Variants in MEOX2 observed in about 807,000 individuals in gnomAD.
MEOX2 encodes mesenchyme homeobox 2, also known as homeobox protein MOX-2.
In MEOX2, 11 loss-of-function variants were observed where a neutral mutation model predicts 27.0. The ratio of observed to expected loss-of-function variants is 0.41; its 90% CI spans 0.26 to 0.68. The LOEUF is 0.68. Ranked by LOEUF, MEOX2 falls within the 30% of genes least tolerant of loss-of-function variation. MEOX2 has a pLI of 0.33. For missense variants in MEOX2, 436 were observed against 385.4 expected (o/e 1.13, Z -1.10); for synonymous variants, 189 against 155.4 (o/e 1.22, Z -1.61).
chr7:15,671,877 T>G (rs1477412313), intron 1 of MEOX2, among the ~76,000 whole-genome samples: 1 of 152,080 alleles, frequency 6.6e-6, no homozygotes, highest in East Asian at 1.9e-4. Flanking sequence ...GCCAATATGG[T>G]CTCTAATAAT....
At chr7:15,629,846 C>G (rs925793331) in intron 1 of MEOX2, among the ~76,000 whole-genome samples, 3 of 152,044 alleles carry the variant, frequency 2.0e-5, no homozygotes, top group Non-Finnish European at 4.4e-5. Context: ...CCCAGCTAGA[C>G]TTTCTTTGGT....
At chr7:15,631,217 T>A (rs1477335984) in intron 1 of MEOX2, among the ~76,000 whole-genome samples, 2 of 151,242 alleles carry the variant, frequency 1.3e-5, no homozygotes, top group Non-Finnish European at 3.0e-5. Context: ...ATTGTGATAG[T>A]TTTCTTCAAA....
At chr7:15,669,961 T>C (rs540428939) in intron 1 of MEOX2, among the ~76,000 whole-genome samples, 2 of 152,314 alleles carry the variant, frequency 1.3e-5, no homozygotes, top group African/African-American at 4.8e-5. Context: ...TTCCCCATCC[T>C]TTCCCAGAAA....
intron 1 of MEOX2, among the ~76,000 whole-genome samples, chr7:15,674,562 G>GTC (rs1186300591): frequency 6.6e-6 from 1 of 151,380 alleles, no homozygotes; most frequent in Admixed American, 6.6e-5. Flanking sequence ...GATTCTGTGT[G>GTC]TGTGTGTGTG....
chr7:15,650,780 A>G (rs1781721774), intron 1 of MEOX2, among the ~76,000 whole-genome samples: 1 of 152,076 alleles, frequency 6.6e-6, no homozygotes, highest in Non-Finnish European at 1.5e-5. Flanking sequence ...CAATGCAATG[A>G]AAGAGTTGCT....
intron 1 of MEOX2, chr7:15,678,824 G>A (rs1434508324): frequency 6.6e-6 from 1 of 152,158 alleles, no homozygotes; most frequent in Non-Finnish European, 1.5e-5. Context: ...CCTCCTCTAG[G>A]TTTTGCGGAG....
At chr7:15,631,512 T>A (rs1781400645) in intron 1 of MEOX2, among the ~76,000 whole-genome samples, 1 of 151,924 alleles carries the variant, frequency 6.6e-6, no homozygotes, top group Non-Finnish European at 1.5e-5. Context: ...TATAATGGTC[T>A]ATATTGAAAG....
chr7:15,625,003 C>G (rs1014542961), intron 2 of MEOX2, among the ~76,000 whole-genome samples: 3 of 152,104 alleles, frequency 2.0e-5, no homozygotes, highest in African/African-American at 7.2e-5. Flanking sequence ...GCTCCGTGGT[C>G]AAACAATGAC....
intron 1 of MEOX2, among the ~76,000 whole-genome samples, chr7:15,631,569 G>A (rs565722001): frequency 1.3e-5 from 2 of 151,826 alleles, no homozygotes; most frequent in South Asian, 4.2e-4. Flanking sequence ...TTCAATTTAA[G>A]TTTATAGACT....
rs532691969 is a variant in MEOX2, at chr7:15,667,289, CAA to C, written c.517+18595_517+18596del. 1.9e-3 allele frequency among the ~76,000 whole-genome samples: 77 copies of C among 40,966 alleles called. No individual in the cohort carries two copies. In the South Asian group the frequency reaches 0.02, roughly 11 times the overall value. 26.9% of individuals were successfully genotyped at this position (40,966 alleles called of 152,430 possible). A position where few individuals can be genotyped will look rare whatever the true frequency, so the allele number is the denominator to read the frequency against. On this transcript the variant is annotated intron_variant, in intron 1 of 2. Coordinates refer to ENST00000262041, the MANE Select transcript of MEOX2 (RefSeq NM_005924.5). ...CTGGCAACAGAGTGAGACTCTGTCT[CAA>C]AAAAAAAAAAAAAAAAAAAAAGTAG...
intron 1 of MEOX2, among the ~76,000 whole-genome samples, chr7:15,665,077 A>ACACACG (rs1562611188): frequency 1.3e-5 from 2 of 150,904 alleles, no homozygotes; most frequent in African/African-American, 4.9e-5. Flanking sequence ...ACACACACAC[A>ACACACG]CACACACAAA....
At chr7:15,653,504 T>A (rs1262849904) in intron 1 of MEOX2, among the ~76,000 whole-genome samples, 1 of 152,008 alleles carries the variant, frequency 6.6e-6, no homozygotes, top group African/African-American at 2.4e-5. Flanking sequence ...CTATCAATTT[T>A]TCCTTTTATG....
At chr7:15,626,680 T>C (rs886843590) in intron 2 of MEOX2, 66 bp downstream of exon 2, 3 of 1,168,008 alleles carry the variant, frequency 2.6e-6, no homozygotes, top group Admixed American at 2.0e-5. Context: ...ATTTCAAATA[T>C]GGCAAAGAAG....
intron 1 of MEOX2, among the ~76,000 whole-genome samples, chr7:15,658,352 T>C (rs1781856191): frequency 6.6e-6 from 1 of 151,438 alleles, no homozygotes; most frequent in African/African-American, 2.5e-5. Context: ...AGCCATGGGA[T>C]TTTTTCCTAC....
rs748140998 is a variant in MEOX2, at chr7:15,686,046, C to A, written c.357G>T (p.Glu119Asp). ...CLQPDSGGPPELGSSPPVLCS... is the reference protein window; with the variant it reads ...CLQPDSGGPPDLGSSPPVLCS... ...ACAGGACGGGCGGGCTGCTCCCCAA[C>A]TCTGGGGGCCCTCCAGAGTCGGGCT... The change falls in exon 1 of 3, where the codon GAG becomes GAT. Residue 119 changes from glutamate to aspartate, a missense_variant. Physicochemically the swap from Glu to Asp is conservative, Grantham distance 45. Transcript: ENST00000262041. 6.2e-7 allele frequency: 1 copy of A among 1,604,674 alleles called. No individual in the cohort carries two copies. The highest frequency in any genetic ancestry group is 8.5e-7 in the Non-Finnish European group (1 of 1,178,196).
intron 1 of MEOX2, among the ~76,000 whole-genome samples, chr7:15,632,602 T>TA (rs1302561265): frequency 2.6e-5 from 4 of 151,846 alleles, no homozygotes; most frequent in Non-Finnish European, 5.9e-5. Context: ...GTATTTTTGT[T>TA]AAAAAATATT....
At chr7:15,642,393 T>A (rs1190448039) in intron 1 of MEOX2, among the ~76,000 whole-genome samples, 1 of 152,160 alleles carries the variant, frequency 6.6e-6, no homozygotes, top group African/African-American at 2.4e-5. Flanking sequence ...TTTTTTCTGT[T>A]TGTTCTACTC....
At chr7:15,661,780 G>C (rs548671045) in intron 1 of MEOX2, among the ~76,000 whole-genome samples, 1 of 152,208 alleles carries the variant, frequency 6.6e-6, no homozygotes, top group African/African-American at 2.4e-5. Flanking sequence ...CAAAACCTAA[G>C]CCTGTGGTTT....
At chr7:15,659,691 C>A (rs924981523) in intron 1 of MEOX2, among the ~76,000 whole-genome samples, 1 of 129,812 alleles carries the variant, frequency 7.7e-6, no homozygotes, top group Non-Finnish European at 1.5e-5. Flanking sequence ...ACCCGGGAGG[C>A]GGAGGTTGTA....
Sources: gnomAD v4.1 joint callset for allele counts (sites outside exome capture counted in the v4.1 genomes callset) on GRCh38, gnomAD v4.1.1 for gene constraint, MANE v1.5 for transcripts, NCBI Gene and HGNC (gene_info 2026-07-23, HGNC 2026-07-21) for gene names.